The following GPC3 variants were observed in gnomAD, a reference collection of about 807,000 sequenced individuals.
GPC3 encodes glypican-3.
GPC3 carries 3 observed loss-of-function variants against 34.4 expected under a neutral mutation model. The ratio of observed to expected loss-of-function variants is 0.09; its 90% CI spans 0.04 to 0.23. The LOEUF is 0.23. GPC3 is among the 10% of genes least tolerant of loss of function. The pLI is 1.00. For synonymous variants in GPC3, 177 were observed against 174.0 expected (o/e 1.02, Z -0.13); for missense variants, 351 against 445.6 (o/e 0.79, Z 1.91).
At chrX:133,831,729 CA>C (rs1386450549) in intron 2 of GPC3, among the ~76,000 whole-genome samples, 1 of 111,755 alleles carries the variant, frequency 8.9e-6, no homozygotes, top group African/African-American at 3.3e-5. Flanking sequence ...CAAAACAAAA[CA>C]AAAAAACCTC....
rs746487643 is a variant in GPC3 at position 133,650,058 on chromosome X, G to T, written c.1413+11672C>A. ...AAGCCCTGTGAATTCTTTCTGCTCTGTTGGCATGTGAAATACACACACACT... is the reference window on the plus strand; with the variant it reads ...AAGCCCTGTGAATTCTTTCTGCTCTTTTGGCATGTGAAATACACACACACT... On this transcript the variant is annotated intron_variant, in intron 6 of 7. Coordinates refer to ENST00000370818, the MANE Select transcript of GPC3 (RefSeq NM_004484.4). Among the ~76,000 whole-genome samples, 4 of 112,034 alleles carry T rather than the reference G, an allele frequency of 3.6e-5. No individual in the cohort carries two copies. The South Asian group carries it at 1.5e-3, about 42-fold the overall frequency.
intron 2 of GPC3, among the ~76,000 whole-genome samples, chrX:133,783,971 G>A (rs1048070639): frequency 3.6e-5 from 4 of 111,639 alleles, no homozygotes; most frequent in South Asian, 3.8e-4. Context: ...AAACTGGACC[G>A]CCTCTCTAAA....
chrX:133,587,137 C>A (rs777693490), intron 7 of GPC3, among the ~76,000 whole-genome samples: 1 of 111,612 alleles, frequency 9.0e-6, no homozygotes. Flanking sequence ...TCTATGAGAT[C>A]AACTTTTTTT....
intron 2 of GPC3, among the ~76,000 whole-genome samples, chrX:133,766,041 A>G (rs2071841135): frequency 8.9e-6 from 1 of 111,758 alleles, no homozygotes; most frequent in South Asian, 3.8e-4. Context: ...GATAAGGTAG[A>G]TCTGAGATAA....
chrX:133,729,928 A>C (rs959667170), intron 3 of GPC3, among the ~76,000 whole-genome samples: 1 of 112,583 alleles, frequency 8.9e-6, no homozygotes, highest in African/African-American at 3.2e-5. Context: ...TATAGACCAA[A>C]GTGCTTTCAC....
chrX:133,921,940 C>T (rs2076250289), intron 2 of GPC3, among the ~76,000 whole-genome samples: 3 of 112,384 alleles, frequency 2.7e-5, no homozygotes, highest in African/African-American at 9.7e-5. Context: ...GGACCTCTGA[C>T]GTCTTTTGCT....
intron 2 of GPC3, among the ~76,000 whole-genome samples, chrX:133,854,964 T>C (rs1346177110): frequency 8.9e-6 from 1 of 112,440 alleles, no homozygotes; most frequent in Non-Finnish European, 1.9e-5. Flanking sequence ...AAATAGCAAG[T>C]ATAGAACTAT....
At chrX:133,748,189 C>T (rs73564923) in intron 3 of GPC3, among the ~76,000 whole-genome samples, 4,390 of 111,822 alleles carry the variant, frequency 0.039, 229 homozygotes, top group African/African-American at 0.13. Context: ...TGCATATAGT[C>T]CACACATAGG....
intron 7 of GPC3, among the ~76,000 whole-genome samples, chrX:133,585,345 C>T (rs2124317510): frequency 9.0e-6 from 1 of 111,394 alleles, no homozygotes; most frequent in East Asian, 2.8e-4. Context: ...CTCCCCTTCT[C>T]CGAGCAGGAC....
At chrX:133,686,987 G>A (rs375878695) in intron 5 of GPC3, among the ~76,000 whole-genome samples, 6 of 107,641 alleles carry the variant, frequency 5.6e-5, no homozygotes, top group African/African-American at 2.0e-4. Context: ...GTGCAGTGGT[G>A]CGATCTCGGC....
intron 6 of GPC3, among the ~76,000 whole-genome samples, chrX:133,598,785 G>A (rs2069949433): frequency 9.0e-6 from 1 of 111,552 alleles, no homozygotes; most frequent in Non-Finnish European, 1.9e-5. Flanking sequence ...TACTCATTTT[G>A]TATCATCATC....
intron 6 of GPC3, among the ~76,000 whole-genome samples, chrX:133,604,901 G>A (rs937247792): frequency 2.7e-5 from 3 of 111,935 alleles, no homozygotes; most frequent in Non-Finnish European, 3.8e-5. Flanking sequence ...ATGCTTTACC[G>A]TTTGTATTTG....
intron 5 of GPC3, among the ~76,000 whole-genome samples, chrX:133,685,875 G>A (rs1456902153): frequency 9.2e-6 from 1 of 109,108 alleles, no homozygotes; most frequent in African/African-American, 3.3e-5. Context: ...CAACAAGCAC[G>A]TGTCACCACG....
At chrX:133,539,782 G>C (rs1413364244) in intron 7 of GPC3, among the ~76,000 whole-genome samples, 1 of 112,532 alleles carries the variant, frequency 8.9e-6, no homozygotes, top group Non-Finnish European at 1.9e-5. Flanking sequence ...GGGAATCCCA[G>C]CAAAGCCACT....
intron 2 of GPC3, among the ~76,000 whole-genome samples, chrX:133,817,895 T>A (rs1291451787): frequency 9.0e-6 from 1 of 110,700 alleles, no homozygotes; most frequent in East Asian, 2.8e-4. Context: ...ACACTTTTTT[T>A]CCCCATTGGA....
chrX:133,933,630 C>T (rs1260485296), intron 2 of GPC3, among the ~76,000 whole-genome samples: 1 of 110,224 alleles, frequency 9.1e-6, no homozygotes, highest in African/African-American at 3.3e-5. Context: ...TGGCTTGGTG[C>T]TGTCTTCACA....
At chrX:133,859,447 C>T (rs1348395639) in intron 2 of GPC3, among the ~76,000 whole-genome samples, 2 of 111,420 alleles carry the variant, frequency 1.8e-5, no homozygotes, top group African/African-American at 6.5e-5. Context: ...CATATTTGCA[C>T]CTGGGAAGAA....
rs7052290 is a variant in GPC3 at position 133,704,438 on chromosome X, G to A, written c.1033-4410C>T. Among the ~76,000 whole-genome samples, 37,094 of 105,829 alleles carry A rather than the reference G, an allele frequency of 0.35. 8,697 individuals carry two copies. Among genetic ancestry groups the A allele is most frequent in the African/African-American group, 0.85 (25,307 of 29,925 alleles). 91.9% of individuals were successfully genotyped at this position (105,829 alleles called of 115,157 possible). The stretch of plus-strand genomic sequence containing the variant: ...GTTTAATATAAGTTTTACGTCACAC[G>A]AGATCCTTTAGAAAGGAAGACCCAA... On this transcript the variant is annotated intron_variant, in intron 3 of 7. Coordinates refer to ENST00000370818, the MANE Select transcript of GPC3 (RefSeq NM_004484.4).
intron 7 of GPC3, among the ~76,000 whole-genome samples, chrX:133,551,130 C>T (rs1182147222): frequency 2.8e-5 from 3 of 105,685 alleles, no homozygotes; most frequent in Non-Finnish European, 5.8e-5. Flanking sequence ...TCTGCCCCCC[C>T]CCACCCCACC....
Sources: allele counts gnomAD v4.1 joint callset (sites outside exome capture counted in the v4.1 genomes callset), GRCh38; gene constraint gnomAD v4.1.1; transcripts MANE v1.5; gene names NCBI Gene and HGNC (gene_info 2026-07-23, HGNC 2026-07-21).